CDH11: variants seen among roughly 807,000 people sequenced by gnomAD.
The protein encoded by CDH11 is cadherin 11, also known as cadherin-11.
A neutral mutation model predicts 67.8 loss-of-function variants in CDH11; 11 were observed. The ratio of observed to expected loss-of-function variants is 0.16; its 90% confidence interval spans 0.10 to 0.27. The LOEUF (loss-of-function observed/expected upper bound fraction) is 0.27, where lower values mean the gene tolerates loss of function less well. CDH11 is among the 10% of genes least tolerant of loss of function. CDH11 has a pLI of 1.00. For synonymous variants in CDH11, 419 were observed against 400.0 expected, an observed-to-expected ratio of 1.05 and a Z score of -0.57; for missense variants, 847 against 1,031.2, an observed-to-expected ratio of 0.82 and a Z score of 2.45.
chr16:65,100,989 T>G (rs1283640724), intron 1 of CDH11, among the ~76,000 whole-genome samples: 1 of 152,176 alleles, frequency 6.6e-6, no homozygotes, highest in African/African-American at 2.4e-5. Context: ...GATAGACATT[T>G]AATTGCTTTT....
At chr16:64,967,932 T>C (rs2071887691) in intron 11 of CDH11, among the ~76,000 whole-genome samples, 2 of 152,234 alleles carry the variant, frequency 1.3e-5, no homozygotes, top group African/African-American at 4.8e-5. Context: ...TGAAGAACCT[T>C]GTCCTGTTCT....
chr16:64,963,599 A>G (rs1433984856), intron 11 of CDH11, among the ~76,000 whole-genome samples: 1 of 152,182 alleles, frequency 6.6e-6, no homozygotes, highest in Admixed American at 6.5e-5. Flanking sequence ...CAGAAAGCTC[A>G]GAGAACATCA....
chr16:65,034,797 G>C (rs2073718917), intron 2 of CDH11, among the ~76,000 whole-genome samples: 1 of 152,164 alleles, frequency 6.6e-6, no homozygotes. Context: ...TATCTGGACT[G>C]CCTACGTGGA....
chr16:64,980,821 T>C (rs1172113266), intron 8 of CDH11, among the ~76,000 whole-genome samples: 1 of 152,066 alleles, frequency 6.6e-6, no homozygotes, highest in East Asian at 1.9e-4. Flanking sequence ...AATGAAAGAC[T>C]GAGGGTTGGG....
chr16:64,950,900 G>T lies in CDH11; in HGVS notation c.1761C>A (p.Thr587=). 1 of 1,614,238 alleles carries T rather than the reference G, an allele frequency of 6.2e-7. No homozygotes were observed. Among genetic ancestry groups the T allele is most frequent in the Non-Finnish European group, 8.5e-7 (1 of 1,180,038 alleles). Residue 587 remains threonine, a synonymous_variant, in exon 12 of 13, where the codon ACC becomes ACA. Transcript: ENST00000268603. ...GGIPPMSSTN[T]LTIKVCGCDV... ...CGCACCCGCAGACTTTGATGGTGAG[G>T]GTGTTGGTGCTACTCATGGGCGGGA...
chr16:65,073,030 T>G (rs1327976059), intron 1 of CDH11, among the ~76,000 whole-genome samples: 1 of 152,260 alleles, frequency 6.6e-6, no homozygotes. Context: ...CCATTTGAAC[T>G]GACCTTGCAG....
intron 2 of CDH11, among the ~76,000 whole-genome samples, chr16:65,023,720 T>C (rs911655834): frequency 4.6e-5 from 7 of 152,338 alleles, no homozygotes; most frequent in Admixed American, 3.9e-4. Context: ...GACATTGCTA[T>C]GCCATTTGTA....
chr16:65,111,113 T>C (rs1381467766), intron 1 of CDH11, among the ~76,000 whole-genome samples: 1 of 152,182 alleles, frequency 6.6e-6, no homozygotes, highest in Non-Finnish European at 1.5e-5. Context: ...GGATGACAGA[T>C]ATGCTGAATA....
chr16:65,012,433 G>A (rs1353108155), intron 2 of CDH11, among the ~76,000 whole-genome samples: 3 of 152,222 alleles, frequency 2.0e-5, no homozygotes, highest in African/African-American at 7.2e-5. Flanking sequence ...TCTGCAGTGA[G>A]TGAGGGAACT....
chr16:65,073,119 T>C (rs2074447081), intron 1 of CDH11, among the ~76,000 whole-genome samples: 1 of 152,192 alleles, frequency 6.6e-6, no homozygotes, highest in African/African-American at 2.4e-5. Flanking sequence ...TATAAGTATG[T>C]GGACCAAAAT....
intron 4 of CDH11, among the ~76,000 whole-genome samples, chr16:64,994,335 A>G (rs553040402): frequency 2.0e-5 from 3 of 152,216 alleles, no homozygotes; most frequent in Admixed American, 2.0e-4. Flanking sequence ...TCCTTCTAGA[A>G]CTCTGCTACA....
chr16:65,101,261 C>G (rs983486594), intron 1 of CDH11, among the ~76,000 whole-genome samples: 2 of 152,266 alleles, frequency 1.3e-5, no homozygotes, highest in East Asian at 3.9e-4. Context: ...CAAGAAGACA[C>G]CAACCAATCA....
At chr16:65,050,147 C>A (rs2074030872) in intron 2 of CDH11, among the ~76,000 whole-genome samples, 1 of 152,190 alleles carries the variant, frequency 6.6e-6, no homozygotes. Context: ...ATGTTCATTT[C>A]TAGGCCCCTG....
In CDH11 at chr16:64,947,841, T is replaced by C. The variant is rs2071235099; in HGVS notation, c.2153A>G (p.Asp718Gly). The C allele has an allele frequency of 7.4e-6, 12 of 1,614,154 alleles. No individual in the cohort carries two copies. Among genetic ancestry groups the C allele is most frequent in the Non-Finnish European group, 1.0e-5 (12 of 1,180,018 alleles). The change falls in exon 13 of 13, where the codon GAT becomes GGT. Residue 718 changes from aspartate to glycine, a missense_variant. Transcript: ENST00000268603. ...LRPAPNSVDV[D>G]DFINTRIQEA... ...CTGTATTCTCGTGTTGATGAAGTCA[T>C]CGACATCCACGCTGTTGGGCGCTGG...
intron 2 of CDH11, among the ~76,000 whole-genome samples, chr16:65,007,685 C>A (rs35179): frequency 0.26 from 40,181 of 152,064 alleles, 6,041 homozygotes; most frequent in Middle Eastern, 0.35. Context: ...ACTCTGTAAA[C>A]TGAAGCCTGT....
intron 1 of CDH11, among the ~76,000 whole-genome samples, chr16:65,089,121 A>C (rs1005427439): frequency 1.3e-5 from 2 of 152,106 alleles, no homozygotes; most frequent in Non-Finnish European, 2.9e-5. Context: ...TATGCTGTTC[A>C]AATATATTGC....
intron 2 of CDH11, among the ~76,000 whole-genome samples, chr16:65,021,325 A>G (rs924874410): frequency 6.6e-6 from 1 of 152,186 alleles, no homozygotes; most frequent in Admixed American, 6.5e-5. Flanking sequence ...CTGGGATTCC[A>G]TAAGGAAAAT....
At chr16:64,961,562 C>T (rs935470182) in intron 11 of CDH11, among the ~76,000 whole-genome samples, 1 of 152,010 alleles carries the variant, frequency 6.6e-6, no homozygotes, top group Admixed American at 6.6e-5. Context: ...TAATAATTTA[C>T]AACTGTTTTA....
Position 64,982,234 on chromosome 16 carries a change from G to C in CDH11, c.1067C>G (p.Pro356Arg), listed in dbSNP as rs1378356454. Residue 356 changes from proline (P) to arginine (R), a missense_variant, in exon 8 of 13, where the codon CCG becomes CGG. By Grantham distance (103) the Pro-to-Arg change is moderately radical. Around this residue, in one of 2 missense-constraint regions of CDH11, gnomAD observed 612 missense variants for 678.7 expected, o/e 0.90. Transcript: ENST00000268603. ...KVEAANVHIDPKFISNGPFKD... is the reference protein window; with the variant it reads ...KVEAANVHIDRKFISNGPFKD... Reference sequence around the variant, plus strand: ...GAAAGGGCCATTGCTGATAAACTTCGGGTCGATGTGCACGTTGGCTGCCTC... The same window carrying C: ...GAAAGGGCCATTGCTGATAAACTTCCGGTCGATGTGCACGTTGGCTGCCTC... 17 of 1,613,560 alleles carry C rather than the reference G, an allele frequency of 1.1e-5. No homozygotes were observed. The highest frequency in any genetic ancestry group is 1.4e-5 in the Non-Finnish European group (17 of 1,179,548).
Sources: allele counts gnomAD v4.1 joint callset (sites outside exome capture counted in the v4.1 genomes callset), GRCh38; gene constraint gnomAD v4.1.1; regional missense constraint gnomAD v4.1.1; transcripts MANE v1.5; gene names NCBI Gene and HGNC (gene_info 2026-07-23, HGNC 2026-07-21).